The following APBA1 variants were observed in gnomAD, a reference collection of about 807,000 sequenced individuals.
APBA1 encodes the protein amyloid beta precursor protein binding family A member 1, also known as amyloid-beta A4 precursor protein-binding family A member 1.
Under a neutral mutation model 86.6 loss-of-function variants are expected in APBA1, and 55 were observed. The ratio of observed to expected loss-of-function variants is 0.64; its 90% CI spans 0.51 to 0.80. The LOEUF is 0.80. Among genes scored for constraint, APBA1 ranks in the 30% least tolerant of loss-of-function variants. The probability of loss-of-function intolerance (pLI) is 0.00; values close to 1 mark genes in which losing one functional copy is unlikely to be tolerated. For synonymous variants in APBA1, 511 were observed against 493.9 expected, an observed-to-expected ratio of 1.03 and a Z score of -0.46; for missense variants, 1,090 against 1,183.0, an observed-to-expected ratio of 0.92 and a Z score of 1.15.
intron 1 of APBA1, among the ~76,000 whole-genome samples, chr9:69,534,338 T>C (rs544205453): frequency 2.2e-4 from 33 of 152,314 alleles, no homozygotes; most frequent in African/African-American, 7.9e-4. Flanking sequence ...GCTGGGACCA[T>C]GGTTAGTTCT....
At chr9:69,609,776 C>T (rs1822546752) in intron 1 of APBA1, among the ~76,000 whole-genome samples, 1 of 152,132 alleles carries the variant, frequency 6.6e-6, no homozygotes, top group Admixed American at 6.6e-5. Context: ...TTCTTGGTCT[C>T]CTTCCCTTTG....
At chr9:69,470,169 A>T (rs1328183186) in intron 4 of APBA1, among the ~76,000 whole-genome samples, 1 of 152,236 alleles carries the variant, frequency 6.6e-6, no homozygotes, top group Admixed American at 6.5e-5. Context: ...AATTGAATAT[A>T]ATTGAATATC....
intron 7 of APBA1, among the ~76,000 whole-genome samples, chr9:69,456,708 ACAAAT>A (rs1448585096): frequency 2.0e-5 from 3 of 151,296 alleles, no homozygotes; most frequent in Admixed American, 1.3e-4. Flanking sequence ...AAAAAAAAAG[ACAAAT>A]CAAAATGGCA....
intron 1 of APBA1, among the ~76,000 whole-genome samples, chr9:69,592,840 T>C (rs1427527560): frequency 1.3e-5 from 2 of 152,214 alleles, no homozygotes; most frequent in African/African-American, 4.8e-5. Flanking sequence ...TAGTTTCTTA[T>C]GTGAGCTTTT....
At chr9:69,569,204 T>C (rs1289600664) in intron 1 of APBA1, among the ~76,000 whole-genome samples, 1 of 152,056 alleles carries the variant, frequency 6.6e-6, no homozygotes, top group Non-Finnish European at 1.5e-5. Flanking sequence ...TCAGGTGTGG[T>C]TTTTCACACA....
chr9:69,464,557 G>A (rs921285109), intron 5 of APBA1: 2 of 152,102 alleles, frequency 1.3e-5, no homozygotes, highest in Admixed American at 6.5e-5. Context: ...TCTAATTTTT[G>A]ATTCAAATGA....
At position 69,516,809 on chromosome 9, in the gene APBA1, C is replaced by T. The variant is rs1836164889; in HGVS notation, c.402G>A (p.Glu134=). The change falls in exon 2 of 13, where the codon GAG becomes GAA. Residue 134 remains glutamate (E), a synonymous_variant. Coordinates refer to ENST00000265381, the MANE Select transcript of APBA1 (RefSeq NM_001163.4). This position sits in a 1 kb window ranked among gnomAD's most constrained non-coding sequence, Gnocchi z 7.3. ...PEAEEYTEQA[E]AEHAEATHRR... ...GGTGCGTGGCCTCGGCGTGCTCGGC[C>T]TCTGCCTGCTCCGTGTACTCCTCGG... is the stretch of plus-strand genomic sequence containing the variant. 1 of 1,608,254 alleles carries T rather than the reference C, an allele frequency of 6.2e-7. No homozygotes were observed. The highest frequency in any genetic ancestry group is 8.5e-7 in the Non-Finnish European group (1 of 1,179,352).
intron 2 of APBA1, among the ~76,000 whole-genome samples, chr9:69,486,311 C>T (rs958810771): frequency 8.5e-5 from 13 of 152,082 alleles, no homozygotes; most frequent in East Asian, 3.9e-4. Flanking sequence ...CTCGTGGTAG[C>T]GGGGAGACAT....
intron 1 of APBA1, among the ~76,000 whole-genome samples, chr9:69,664,522 A>T (rs1009256212): frequency 1.3e-5 from 2 of 152,212 alleles, no homozygotes; most frequent in Non-Finnish European, 2.9e-5. Flanking sequence ...AAAGACTCTA[A>T]AGTCAAAAAA....
intron 1 of APBA1, among the ~76,000 whole-genome samples, chr9:69,653,879 A>C (rs112549856): frequency 0.048 from 7,289 of 151,904 alleles, 234 homozygotes; most frequent in South Asian, 0.12. Flanking sequence ...AGGCCGAGGC[A>C]GGTGGATCAC....
intron 4 of APBA1, among the ~76,000 whole-genome samples, chr9:69,468,920 AG>A (rs1215629233): frequency 2.0e-5 from 3 of 151,232 alleles, no homozygotes; most frequent in African/African-American, 7.3e-5. Flanking sequence ...GCTGGAGTAC[AG>A]TGGTGTGATC....
At chr9:69,622,496 C>A (rs1046212899) in intron 1 of APBA1, among the ~76,000 whole-genome samples, 5 of 151,682 alleles carry the variant, frequency 3.3e-5, no homozygotes, top group African/African-American at 1.2e-4. Flanking sequence ...GTAACAAGAG[C>A]ATCTAAGGCC....
chr9:69,477,038 T>A (rs1417423905), intron 2 of APBA1, among the ~76,000 whole-genome samples: 2 of 152,194 alleles, frequency 1.3e-5, no homozygotes, highest in Non-Finnish European at 2.9e-5. Flanking sequence ...GTTGTGTGCT[T>A]CTGAAATCTT....
chr9:69,645,754 G>C (rs1823379387), intron 1 of APBA1, among the ~76,000 whole-genome samples: 2 of 152,196 alleles, frequency 1.3e-5, no homozygotes, highest in South Asian at 4.1e-4. Flanking sequence ...TGCGATTAAG[G>C]TCCTGGCAGA....
rs778638301 is a variant in APBA1 at position 69,565,093 on chromosome 9, T to C, written c.-69-47814A>G. Among the ~76,000 whole-genome samples the C allele has an allele frequency of 3.9e-4, 59 of 152,172 alleles. 1 individual carries two copies. The highest frequency in any genetic ancestry group is 7.8e-4 in the Non-Finnish European group (53 of 68,032). ...ATAAAGCTAAGAGAAGAAAATGTTC[T>C]AAAATACTTTTTCTAGTCCTGAAGT... On this transcript the variant is annotated intron_variant, in intron 1 of 12. Coordinates refer to ENST00000265381, the MANE Select transcript of APBA1 (RefSeq NM_001163.4).
chr9:69,614,121 G>A lies in APBA1; in HGVS notation c.-70+58032C>T, dbSNP rs1822649136. Among the ~76,000 whole-genome samples the A allele has an allele frequency of 1.3e-5, 2 of 152,092 alleles. 1 individual carries two copies. The highest frequency in any genetic ancestry group is 4.2e-4 in the South Asian group (2 of 4,816). On this transcript the variant is annotated intron_variant, in intron 1 of 12. Coordinates refer to ENST00000265381, the MANE Select transcript of APBA1 (RefSeq NM_001163.4). ...CCATGTAACTTTCTGTATAGCTTTTGAAGTTTTTGATTATCACTGTAGTTA... is the reference window on the plus strand; with the variant it reads ...CCATGTAACTTTCTGTATAGCTTTTAAAGTTTTTGATTATCACTGTAGTTA...
intron 1 of APBA1, among the ~76,000 whole-genome samples, chr9:69,524,914 G>A (rs1836318526): frequency 6.6e-6 from 1 of 152,180 alleles, no homozygotes; most frequent in African/African-American, 2.4e-5. Context: ...TGGGATGCAA[G>A]GTTGGTTCAA....
At chr9:69,564,962 G>A (rs959043150) in intron 1 of APBA1, among the ~76,000 whole-genome samples, 1 of 152,178 alleles carries the variant, frequency 6.6e-6, no homozygotes, top group African/African-American at 2.4e-5. Flanking sequence ...TAATCCTTTC[G>A]AGGTGTGTGA....
chr9:69,590,262 T>A (rs1822104455), intron 1 of APBA1, among the ~76,000 whole-genome samples: 1 of 152,380 alleles, frequency 6.6e-6, no homozygotes, highest in Non-Finnish European at 1.5e-5. Flanking sequence ...TTAGCCCAGT[T>A]CCTGGCAGAT....
Sources: allele counts gnomAD v4.1 joint callset (sites outside exome capture counted in the v4.1 genomes callset), GRCh38; gene constraint gnomAD v4.1.1; non-coding constraint Gnocchi (gnomAD v3.1); transcripts MANE v1.5; gene names NCBI Gene and HGNC (gene_info 2026-07-23, HGNC 2026-07-21).